The following SMARCAD1 variants were observed in gnomAD, a reference collection of about 807,000 sequenced individuals.
SMARCAD1 encodes the protein SWI/SNF-related matrix-associated actin-dependent regulator of chromatin subfamily A containing DEAD/H box 1.
In SMARCAD1, 25 loss-of-function variants were observed where a neutral mutation model predicts 127.1. That is an observed-to-expected ratio of 0.20 (90% CI 0.14 to 0.27). The LOEUF is 0.27. Ranked by LOEUF, SMARCAD1 falls within the 10% of genes least tolerant of loss-of-function variation. The pLI is 1.00. For synonymous variants in SMARCAD1, 400 were observed against 396.9 expected, an observed-to-expected ratio of 1.01 and a Z score of -0.09; for missense variants, 807 against 1,206.0, an observed-to-expected ratio of 0.67 and a Z score of 4.90.
chr4:94,208,008 T>C lies in SMARCAD1; in HGVS notation c.-112T>C. 1 of 402,058 alleles carries C rather than the reference T, an allele frequency of 2.5e-6. No individual in the cohort carries two copies. Among genetic ancestry groups the C allele is most frequent in the Non-Finnish European group, 4.9e-6 (1 of 203,748 alleles). 24.9% of individuals were successfully genotyped at this position (402,058 alleles called of 1,614,324 possible). ...GGCACGGTAGCACAGGGAGCTTCTC[T>C]TTGTGGGCGGGCGCGAGGCCCGCTA... On this transcript the variant is annotated 5_prime_UTR_variant, in exon 1 of 24. Coordinates refer to ENST00000354268, the MANE Select transcript of SMARCAD1 (RefSeq NM_020159.5).
At chr4:94,253,262 G>A in intron 9 of SMARCAD1, 2 of 1,468,132 alleles carry the variant, frequency 1.4e-6, no homozygotes, top group East Asian at 2.9e-5. Context: ...TCATTCCTTT[G>A]CATAGAAACT....
At chr4:94,251,897 G>A (rs905291924) in intron 8 of SMARCAD1, among the ~76,000 whole-genome samples, 1 of 151,854 alleles carries the variant, frequency 6.6e-6, no homozygotes, top group Non-Finnish European at 1.5e-5. Flanking sequence ...TGTCGCCCAG[G>A]CTGGAGTGCA....
At chr4:94,274,357 G>T (rs929967316) in intron 12 of SMARCAD1, among the ~76,000 whole-genome samples, 4 of 151,840 alleles carry the variant, frequency 2.6e-5, no homozygotes, top group African/African-American at 9.7e-5. Context: ...AGACAGTCTC[G>T]CTGTGTCACC....
chr4:94,219,453 C>T (rs992940869), intron 2 of SMARCAD1, among the ~76,000 whole-genome samples: 38 of 151,710 alleles, frequency 2.5e-4, no homozygotes, highest in Non-Finnish European at 5.2e-4. Context: ...GATCTTGGAC[C>T]ACCGAAAAGG....
intron 14 of SMARCAD1, among the ~76,000 whole-genome samples, chr4:94,275,956 C>T (rs1753237568): frequency 6.6e-6 from 1 of 151,870 alleles, no homozygotes; most frequent in Non-Finnish European, 1.5e-5. Context: ...CACCACCACA[C>T]CCGGCTAATT....
intron 21 of SMARCAD1, among the ~76,000 whole-genome samples, chr4:94,282,092 G>GTTTT (rs144409121): frequency 0.47 from 51,935 of 110,980 alleles, 12,827 homozygotes; most frequent in African/African-American, 0.6. Flanking sequence ...ATGCAAATAC[G>GTTTT]TTTTTTTGTT....
At chr4:94,233,117 G>GTCT (rs1746106914) in intron 3 of SMARCAD1, among the ~76,000 whole-genome samples, 1 of 152,172 alleles carries the variant, frequency 6.6e-6, no homozygotes, top group Admixed American at 6.5e-5. Flanking sequence ...CTAGATATGT[G>GTCT]TCTAAGAGAG....
intron 9 of SMARCAD1, among the ~76,000 whole-genome samples, chr4:94,254,932 A>C (rs1390826150): frequency 6.6e-6 from 1 of 152,044 alleles, no homozygotes; most frequent in Non-Finnish European, 1.5e-5. Context: ...CCTACCCTAG[A>C]GCAGATTTAA....
At chr4:94,221,450 A>T (rs1467004551) in intron 2 of SMARCAD1, among the ~76,000 whole-genome samples, 2 of 152,218 alleles carry the variant, frequency 1.3e-5, no homozygotes, top group East Asian at 3.9e-4. Context: ...TCAAAGAAAA[A>T]TATTCACAAT....
chr4:94,241,733 G>A lies in SMARCAD1; in HGVS notation c.705+727G>A, dbSNP rs529020374. ...AGGAATGGTGCTATAATGGGAACTC[G>A]TTGGCCTCTGTTCCTTGCAGGTTGA... On this transcript the variant is annotated intron_variant, in intron 6 of 23. Transcript: ENST00000354268. Among the ~76,000 whole-genome samples the A allele has an allele frequency of 5.9e-5, 9 of 152,246 alleles. No homozygotes were observed. In the East Asian group the frequency reaches 9.7e-4, roughly 16 times the overall value.
intron 10 of SMARCAD1, among the ~76,000 whole-genome samples, chr4:94,265,370 G>A (rs1751579403): frequency 6.8e-6 from 1 of 146,336 alleles, no homozygotes; most frequent in South Asian, 2.4e-4. Context: ...TAAATGATAA[G>A]GCCAGCTTTT....
chr4:94,214,003 A>G (rs1742726489), intron 2 of SMARCAD1, among the ~76,000 whole-genome samples: 1 of 152,172 alleles, frequency 6.6e-6, no homozygotes, highest in Non-Finnish European at 1.5e-5. Context: ...AGAAAATGAT[A>G]GTGTCCTGGA....
intron 23 of SMARCAD1, 87 bp downstream of exon 23, chr4:94,285,156 T>A: frequency 1.2e-6 from 1 of 852,778 alleles, no homozygotes; most frequent in Non-Finnish European, 2.0e-6. Flanking sequence ...CAAAGATGGC[T>A]ACCTTAACTA....
chr4:94,215,380 G>A (rs1743008593), intron 2 of SMARCAD1, among the ~76,000 whole-genome samples: 1 of 152,128 alleles, frequency 6.6e-6, no homozygotes, highest in Non-Finnish European at 1.5e-5. Context: ...CAGCACTTTG[G>A]GAGGCCGAGG....
chr4:94,250,738 T>C lies in SMARCAD1; in HGVS notation c.808-14T>C. 1 of 1,563,384 alleles carries C rather than the reference T, an allele frequency of 6.4e-7. No individual in the cohort carries two copies. ...TTGAGATTTTTAACAAAAAGATAAA[T>C]GACTTATTTCTAGGAACTTAGAGAA... On this transcript the variant is annotated splice_polypyrimidine_tract_variant and intron_variant, in intron 7 of 23. Transcript: ENST00000354268.
At chr4:94,249,806 TATAAA>T in intron 7 of SMARCAD1, 51 bp downstream of exon 7, 1 of 1,039,002 alleles carries the variant, frequency 9.6e-7, no homozygotes, top group Non-Finnish European at 1.5e-6. Flanking sequence ...GTGTTTTTAT[TATAAA>T]ATAGTGTTAA....
intron 5 of SMARCAD1, 100 bp from the exon 6 acceptor site, chr4:94,240,806 G>A (rs1747464023): frequency 1.3e-6 from 1 of 796,662 alleles, no homozygotes. Flanking sequence ...CAAGAGAACT[G>A]TCTAGTATTC....
chr4:94,236,063 A>G (rs1391297376), intron 4 of SMARCAD1, among the ~76,000 whole-genome samples: 1 of 152,152 alleles, frequency 6.6e-6, no homozygotes, highest in Non-Finnish European at 1.5e-5. Flanking sequence ...ATGTAAAAGA[A>G]TTCAAGAGGT....
chr4:94,283,670 A>G (rs1283710245), intron 22 of SMARCAD1, among the ~76,000 whole-genome samples: 1 of 152,016 alleles, frequency 6.6e-6, no homozygotes, highest in Admixed American at 6.6e-5. Flanking sequence ...TTAAAAATAC[A>G]AAAAATTAGC....
Sources: gnomAD v4.1 joint callset for allele counts (sites outside exome capture counted in the v4.1 genomes callset) on GRCh38, gnomAD v4.1.1 for gene constraint, MANE v1.5 for transcripts, NCBI Gene and HGNC (gene_info 2026-07-23, HGNC 2026-07-21) for gene names.